FHIT: variants seen among roughly 807,000 people sequenced by gnomAD.
The protein encoded by FHIT is fragile histidine triad diadenosine triphosphatase, also known as bis(5'-adenosyl)-triphosphatase.
Under a neutral mutation model 17.9 loss-of-function variants are expected in FHIT, and 19 were observed. The ratio of observed to expected loss-of-function variants is 1.06; its 90% CI spans 0.74 to 1.56. FHIT has a LOEUF of 1.56. FHIT is among the 40% of genes most tolerant of loss of function. The pLI is 0.00. For missense variants in FHIT, 248 were observed against 189.2 expected, an observed-to-expected ratio of 1.31 and a Z score of -1.82; for synonymous variants, 81 against 69.7, an observed-to-expected ratio of 1.16 and a Z score of -0.81.
chr3:61,003,469 T>A (rs2031235648), intron 3 of FHIT, among the ~76,000 whole-genome samples: 1 of 152,240 alleles, frequency 6.6e-6, no homozygotes, highest in East Asian at 1.9e-4. Flanking sequence ...AAGCTTTCAT[T>A]TAAAGAATTC....
intron 5 of FHIT, among the ~76,000 whole-genome samples, chr3:60,107,822 A>G (rs1335044683): frequency 1.3e-5 from 2 of 152,228 alleles, no homozygotes; most frequent in African/African-American, 4.8e-5. Context: ...AAGAATATTA[A>G]AAACAGGCAG....
chr3:60,355,724 T>A (rs932732102), intron 5 of FHIT, among the ~76,000 whole-genome samples: 1 of 152,074 alleles, frequency 6.6e-6, no homozygotes, highest in East Asian at 1.9e-4. Context: ...TGTCACAAAT[T>A]TTTTTTTAAA....
intron 4 of FHIT, among the ~76,000 whole-genome samples, chr3:60,757,870 G>A (rs1403520439): frequency 6.6e-6 from 1 of 152,208 alleles, no homozygotes; most frequent in African/African-American, 2.4e-5. Flanking sequence ...TGGAAGACTA[G>A]TCTAGAGTTT....
chr3:59,780,138 T>C (rs961221882), intron 8 of FHIT, among the ~76,000 whole-genome samples: 3 of 152,126 alleles, frequency 2.0e-5, no homozygotes, highest in African/African-American at 7.2e-5. Flanking sequence ...CCCTGACAAG[T>C]AGGGATTTTT....
intron 1 of FHIT, among the ~76,000 whole-genome samples, chr3:61,235,315 G>A (rs770393268): frequency 5.9e-5 from 9 of 152,012 alleles, no homozygotes; most frequent in Non-Finnish European, 8.8e-5. Context: ...CAGTTTTCTC[G>A]TGTGTAAAAC....
rs541307528 is a variant in FHIT, at chr3:60,085,071, T to G, written c.104-70919A>C. Among the ~76,000 whole-genome samples the G allele has an allele frequency of 4.6e-5, 7 of 152,298 alleles. No homozygotes were observed. The South Asian group carries it at 1.5e-3, about 32-fold the overall frequency. On this transcript the variant is annotated intron_variant, in intron 5 of 9. Transcript: ENST00000492590. The stretch of plus-strand genomic sequence containing the variant: ...GACTGGCTCCCTGTCGCCATGTTTG[T>G]GTAATATGACAACAGACTTAGGCAA...
intron 2 of FHIT, among the ~76,000 whole-genome samples, chr3:61,191,626 G>T (rs1457808850): frequency 6.6e-6 from 1 of 152,182 alleles, no homozygotes; most frequent in Non-Finnish European, 1.5e-5. Flanking sequence ...ATGTACTCAA[G>T]GGAAGGTGAG....
At chr3:61,201,154 T>C (rs1467314841) in intron 1 of FHIT, among the ~76,000 whole-genome samples, 1 of 152,226 alleles carries the variant, frequency 6.6e-6, no homozygotes, top group South Asian at 2.1e-4. Flanking sequence ...TCCGTAAGTA[T>C]ATGTGTGCAT....
At chr3:60,465,705 T>G (rs1240300606) in intron 5 of FHIT, among the ~76,000 whole-genome samples, 2 of 152,148 alleles carry the variant, frequency 1.3e-5, no homozygotes, top group Non-Finnish European at 2.9e-5. Flanking sequence ...GCTGTAGATG[T>G]ATGGATTTAT....
intron 3 of FHIT, among the ~76,000 whole-genome samples, chr3:60,960,594 C>T (rs1214897104): frequency 7.6e-6 from 1 of 131,626 alleles, no homozygotes; most frequent in African/African-American, 2.5e-5. Flanking sequence ...CACAACAGGC[C>T]CCGGTGTGTG....
At chr3:60,457,200 C>T (rs1293674284) in intron 5 of FHIT, among the ~76,000 whole-genome samples, 2 of 151,946 alleles carry the variant, frequency 1.3e-5, no homozygotes, top group African/African-American at 2.4e-5. Context: ...GCTACAGTAA[C>T]CAAAACAGCA....
intron 3 of FHIT, among the ~76,000 whole-genome samples, chr3:60,879,287 C>T (rs1036066438): frequency 6.6e-6 from 1 of 152,186 alleles, no homozygotes; most frequent in African/African-American, 2.4e-5. Flanking sequence ...GTCATTCAGG[C>T]ATCCACAGTT....
intron 5 of FHIT, among the ~76,000 whole-genome samples, chr3:60,217,880 C>T (rs536864620): frequency 4.6e-5 from 7 of 152,160 alleles, no homozygotes; most frequent in East Asian, 1.9e-4. Flanking sequence ...CCTTTTATAT[C>T]TCTCATGGGA....
intron 3 of FHIT, among the ~76,000 whole-genome samples, chr3:60,849,732 C>T (rs1371564169): frequency 6.6e-6 from 1 of 151,970 alleles, no homozygotes; most frequent in African/African-American, 2.4e-5. Context: ...GGAGTCTTCA[C>T]CCTTAAAATA....
intron 4 of FHIT, among the ~76,000 whole-genome samples, chr3:60,599,639 T>G (rs1267450061): frequency 6.9e-6 from 1 of 145,854 alleles, no homozygotes; most frequent in African/African-American, 2.5e-5. Flanking sequence ...TAAGACAATA[T>G]CACAACTGTA....
chr3:60,062,156 A>G (rs894381804), intron 5 of FHIT, among the ~76,000 whole-genome samples: 12 of 152,200 alleles, frequency 7.9e-5, no homozygotes, highest in African/African-American at 2.9e-4. Flanking sequence ...TCAATAAAAT[A>G]CCAATCAATA....
At chr3:59,812,351 G>A (rs558701168) in intron 8 of FHIT, among the ~76,000 whole-genome samples, 1 of 152,206 alleles carries the variant, frequency 6.6e-6, no homozygotes, top group African/African-American at 2.4e-5. Context: ...AAGTCAGAAA[G>A]AAGTGAGTGA....
intron 4 of FHIT, among the ~76,000 whole-genome samples, chr3:60,641,072 T>C (rs1201411772): frequency 2.0e-5 from 3 of 151,970 alleles, no homozygotes; most frequent in Middle Eastern, 3.2e-3. Context: ...CCCAGCTACT[T>C]GGGAGGCTGA....
At chr3:60,239,308 C>T (rs1248597799) in intron 5 of FHIT, among the ~76,000 whole-genome samples, 1 of 151,962 alleles carries the variant, frequency 6.6e-6, no homozygotes, top group East Asian at 1.9e-4. Flanking sequence ...GTCTGTAGTC[C>T]CACTAACTTG....
Sources: allele counts gnomAD v4.1 joint callset (sites outside exome capture counted in the v4.1 genomes callset), GRCh38; gene constraint gnomAD v4.1.1; transcripts MANE v1.5; gene names NCBI Gene and HGNC (gene_info 2026-07-23, HGNC 2026-07-21).